The following PSD3 variants were observed in gnomAD, a reference collection of about 807,000 sequenced individuals.
PSD3 encodes the protein pleckstrin and Sec7 domain containing 3.
Under a neutral mutation model 105.5 loss-of-function variants are expected in PSD3, and 49 were observed. The ratio of observed to expected loss-of-function variants is 0.46; its 90% CI spans 0.37 to 0.59. PSD3 has a LOEUF of 0.59. Ranked by LOEUF, PSD3 falls within the 20% of genes least tolerant of loss-of-function variation. The pLI, the probability that PSD3 is intolerant of heterozygous loss-of-function variation, is 0.00. For missense variants in PSD3, 1,561 were observed against 1,263.8 expected, an observed-to-expected ratio of 1.24 and a Z score of -3.57; for synonymous variants, 557 against 457.8, an observed-to-expected ratio of 1.22 and a Z score of -2.77.
chr8:18,721,577 G>C (rs7000698), intron 9 of PSD3, among the ~76,000 whole-genome samples: 4,382 of 152,260 alleles, frequency 0.029, 82 homozygotes, highest in African/African-American at 0.054. Flanking sequence ...ATAAGGTTAG[G>C]TGACATGCTC....
intron 10 of PSD3, among the ~76,000 whole-genome samples, chr8:18,647,574 G>A (rs895905537): frequency 1.3e-5 from 2 of 149,832 alleles, no homozygotes; most frequent in Non-Finnish European, 3.0e-5. Context: ...CACAAGTGCA[G>A]AGGGAATCCA....
At chr8:18,687,239 G>A (rs763932671) in intron 9 of PSD3, among the ~76,000 whole-genome samples, 2 of 152,126 alleles carry the variant, frequency 1.3e-5, no homozygotes, top group Admixed American at 6.5e-5. Context: ...CAAGGCGGGC[G>A]GATCACATGA....
intron 1 of PSD3, 32 bp downstream of exon 1, chr8:19,013,531 C>A: frequency 6.3e-7 from 1 of 1,576,192 alleles, no homozygotes; most frequent in Non-Finnish European, 8.6e-7. Flanking sequence ...CGCGTGCGCA[C>A]CCCGCGCCCG....
chr8:18,991,675 T>C (rs1278555144), intron 1 of PSD3, among the ~76,000 whole-genome samples: 2 of 152,226 alleles, frequency 1.3e-5, no homozygotes, highest in African/African-American at 4.8e-5. Context: ...GTCATTTTAA[T>C]GCTTGTTTCA....
intron 9 of PSD3, among the ~76,000 whole-genome samples, chr8:18,658,992 T>C (rs1809108701): frequency 6.6e-6 from 1 of 152,118 alleles, no homozygotes; most frequent in Non-Finnish European, 1.5e-5. Context: ...TAGTTATTTC[T>C]CCCAGCTCCA....
At chr8:18,709,451 G>A (rs531115443) in intron 9 of PSD3, among the ~76,000 whole-genome samples, 18 of 152,334 alleles carry the variant, frequency 1.2e-4, no homozygotes, top group Non-Finnish European at 2.4e-4. Flanking sequence ...TCAGAAAAGT[G>A]GGAATCCCCT....
At chr8:18,783,339 G>A (rs1404150912) in intron 8 of PSD3, among the ~76,000 whole-genome samples, 2 of 152,098 alleles carry the variant, frequency 1.3e-5, no homozygotes, top group African/African-American at 4.8e-5. Context: ...TTAGTAATTT[G>A]AGAGTTCTTT....
At chr8:18,801,240 A>G (rs1386692) in intron 7 of PSD3, 30 bp downstream of exon 7, 643,097 of 1,350,914 alleles carry the variant, frequency 0.48, 157,335 homozygotes, top group East Asian at 0.75. Context: ...TTGATATAAA[A>G]AAGAAATTCA....
intron 2 of PSD3, among the ~76,000 whole-genome samples, chr8:18,912,206 C>A (rs1228755632): frequency 6.6e-6 from 1 of 152,148 alleles, no homozygotes; most frequent in Non-Finnish European, 1.5e-5. Flanking sequence ...TAAGATATAA[C>A]AGGGAATATT....
intron 1 of PSD3, among the ~76,000 whole-genome samples, chr8:19,045,511 G>C (rs1461082828): frequency 6.6e-6 from 1 of 152,198 alleles, no homozygotes; most frequent in Non-Finnish European, 1.5e-5. Flanking sequence ...CAACAGCACA[G>C]ATCTCTTGAA....
intron 2 of PSD3, among the ~76,000 whole-genome samples, chr8:18,910,017 T>C (rs1253160544): frequency 6.6e-6 from 1 of 152,190 alleles, no homozygotes; most frequent in East Asian, 1.9e-4. Flanking sequence ...TTCAGCAGCC[T>C]GAGACACAGA....
chr8:18,546,368 A>C (rs1433449498), intron 15 of PSD3, among the ~76,000 whole-genome samples: 1 of 152,114 alleles, frequency 6.6e-6, no homozygotes, highest in Non-Finnish European at 1.5e-5. Flanking sequence ...ATAAGTAGTC[A>C]TCTTACCAGT....
At chr8:18,831,140 T>A (rs1003825773) in intron 4 of PSD3, among the ~76,000 whole-genome samples, 4 of 146,386 alleles carry the variant, frequency 2.7e-5, no homozygotes, top group African/African-American at 1.1e-4. Context: ...CCTAAGTGCA[T>A]AAAATAGGGC....
intron 11 of PSD3, among the ~76,000 whole-genome samples, chr8:18,606,746 G>T (rs553934892): frequency 1.3e-5 from 2 of 152,002 alleles, no homozygotes; most frequent in African/African-American, 4.8e-5. Flanking sequence ...AACATGAATA[G>T]AGGCATACGA....
intron 2 of PSD3, among the ~76,000 whole-genome samples, chr8:18,907,874 G>A (rs1819950541): frequency 6.6e-6 from 1 of 152,152 alleles, no homozygotes; most frequent in South Asian, 2.1e-4. Flanking sequence ...TTTTCAATAA[G>A]TTGAATTTAT....
intron 2 of PSD3, among the ~76,000 whole-genome samples, chr8:18,876,954 G>A (rs1031916419): frequency 2.0e-5 from 3 of 152,098 alleles, no homozygotes; most frequent in Non-Finnish European, 4.4e-5. Flanking sequence ...CTTGTCATGT[G>A]TTTTTTGGCC....
intron 4 of PSD3, among the ~76,000 whole-genome samples, chr8:18,825,285 T>C (rs1293104749): frequency 6.6e-6 from 1 of 152,184 alleles, no homozygotes; most frequent in Admixed American, 6.5e-5. Flanking sequence ...TTTTTAGAGT[T>C]GTCAGTTGTG....
intron 9 of PSD3, among the ~76,000 whole-genome samples, chr8:18,737,649 T>C (rs773571705): frequency 6.1e-4 from 93 of 152,170 alleles, no homozygotes; most frequent in Non-Finnish European, 1.1e-3. Context: ...GGCTTTATAA[T>C]ATGCATAAGG....
intron 9 of PSD3, among the ~76,000 whole-genome samples, chr8:18,678,580 A>T (rs1183163832): frequency 6.6e-6 from 1 of 152,184 alleles, no homozygotes; most frequent in Admixed American, 6.5e-5. Flanking sequence ...GGGAGGCCTA[A>T]GTGGGCGGAT....
Sources: allele counts gnomAD v4.1 joint callset (sites outside exome capture counted in the v4.1 genomes callset), GRCh38; gene constraint gnomAD v4.1.1; transcripts MANE v1.5; gene names NCBI Gene and HGNC (gene_info 2026-07-23, HGNC 2026-07-21).